Variants in DACH2 observed in about 807,000 individuals in gnomAD.
DACH2 encodes dachshund family transcription factor 2, also known as dachshund homolog 2.
DACH2 carries 17 observed loss-of-function variants against 35.8 expected under a neutral mutation model. The ratio of observed to expected loss-of-function variants is 0.48; its 90% CI spans 0.33 to 0.71. DACH2 has a LOEUF of 0.71. Among genes scored for constraint, DACH2 ranks in the 30% least tolerant of loss-of-function variants. DACH2 has a pLI of 0.02. For missense variants in DACH2, 469 were observed against 472.7 expected, an observed-to-expected ratio of 0.99 and a Z score of 0.07; for synonymous variants, 195 against 177.3, an observed-to-expected ratio of 1.10 and a Z score of -0.79.
At chrX:86,367,475 A>G (rs1057406044) in intron 1 of DACH2, among the ~76,000 whole-genome samples, 20 of 111,670 alleles carry the variant, frequency 1.8e-4, no homozygotes, top group African/African-American at 6.2e-4. Flanking sequence ...TGCAACCATC[A>G]CTGACCTCTC....
rs1412813939 is a variant in DACH2 at position 86,613,224 on chromosome X, G to T, written c.641-37812G>T. Among the ~76,000 whole-genome samples, 3 of 111,074 alleles carry T rather than the reference G, an allele frequency of 2.7e-5. 1 individual carries two copies. The highest frequency in any genetic ancestry group is 5.7e-5 in the Non-Finnish European group (3 of 52,991). On this transcript the variant is annotated intron_variant, in intron 3 of 11. Transcript: ENST00000373125. ...AGTTTTCTGTTTAAAAAAATCTATA[G>T]TTTATTTTTGGTTAAAAAATATATC...
intron 4 of DACH2, among the ~76,000 whole-genome samples, chrX:86,683,959 G>A (rs1355971375): frequency 9.0e-6 from 1 of 111,021 alleles, no homozygotes; most frequent in Non-Finnish European, 1.9e-5. Context: ...CTTCCACTAT[G>A]CTATTAGGAT....
At chrX:86,704,972 CA>C (rs1209018904) in intron 5 of DACH2, among the ~76,000 whole-genome samples, 1 of 101,397 alleles carries the variant, frequency 9.9e-6, no homozygotes, top group African/African-American at 4.1e-5. Flanking sequence ...TTCACAATTG[CA>C]AAAATATGGA....
chrX:86,654,954 T>G (rs2148409710), intron 4 of DACH2, among the ~76,000 whole-genome samples: 1 of 111,920 alleles, frequency 8.9e-6, no homozygotes, highest in African/African-American at 3.2e-5. Context: ...TTTCAAGCAT[T>G]TTAGATCTGA....
chrX:86,813,058 C>T (rs2042410233), intron 8 of DACH2, 54 bp downstream of exon 8: 1 of 1,141,722 alleles, frequency 8.8e-7, no homozygotes, highest in South Asian at 2.0e-5. Flanking sequence ...TTAGCACCTA[C>T]ATATATTATT....
intron 3 of DACH2, among the ~76,000 whole-genome samples, chrX:86,627,540 T>C (rs2148384400): frequency 8.9e-6 from 1 of 111,787 alleles, no homozygotes; most frequent in East Asian, 2.8e-4. Flanking sequence ...AAGCTTAATT[T>C]AGGTACTGTC....
intron 11 of DACH2, 152 bp downstream of exon 11, chrX:86,816,251 A>G (rs746875842): frequency 2.7e-5 from 9 of 327,491 alleles, no homozygotes; most frequent in African/African-American, 1.9e-4. Context: ...TGACACAGGA[A>G]GCAATTTGCA....
chrX:86,317,518 T>C (rs2034935742), intron 1 of DACH2, among the ~76,000 whole-genome samples: 1 of 112,569 alleles, frequency 8.9e-6, no homozygotes, highest in Non-Finnish European at 1.9e-5. Flanking sequence ...GACTAGAAGT[T>C]AATAGAAGAT....
At chrX:86,768,390 A>G (rs1328845195) in intron 7 of DACH2, among the ~76,000 whole-genome samples, 1 of 111,702 alleles carries the variant, frequency 9.0e-6, no homozygotes, top group Non-Finnish European at 1.9e-5. Flanking sequence ...AATCGGCTTT[A>G]TAATATATCA....
chrX:86,577,161 C>A (rs2148336894), intron 3 of DACH2, among the ~76,000 whole-genome samples: 1 of 111,597 alleles, frequency 9.0e-6, no homozygotes, highest in African/African-American at 3.2e-5. Flanking sequence ...AAACCAACGG[C>A]AGTTACTATT....
intron 2 of DACH2, among the ~76,000 whole-genome samples, chrX:86,412,641 G>A (rs2148146258): frequency 8.9e-6 from 1 of 111,855 alleles, no homozygotes; most frequent in African/African-American, 3.2e-5. Flanking sequence ...GGTGGATAAG[G>A]CATTCCATGA....
At chrX:86,160,930 T>C in intron 1 of DACH2, 1 of 726,365 alleles carries the variant, frequency 1.4e-6, no homozygotes, top group Non-Finnish European at 2.2e-6. Flanking sequence ...GGCTTGTCAG[T>C]TGGACCAGAT....
At chrX:86,716,269 T>C (rs1176195717) in intron 6 of DACH2, among the ~76,000 whole-genome samples, 1 of 112,270 alleles carries the variant, frequency 8.9e-6, no homozygotes, top group Non-Finnish European at 1.9e-5. Flanking sequence ...GATGGGAGTG[T>C]AAACTTGGAG....
intron 5 of DACH2, among the ~76,000 whole-genome samples, chrX:86,700,534 T>TA (rs142564628): frequency 2.0e-4 from 21 of 102,440 alleles, no homozygotes; most frequent in African/African-American, 3.9e-4. Flanking sequence ...TAACCCCAGT[T>TA]AAAAAAAAAA....
At chrX:86,414,823 G>A (rs2036675113) in intron 2 of DACH2, among the ~76,000 whole-genome samples, 1 of 111,392 alleles carries the variant, frequency 9.0e-6, no homozygotes, top group African/African-American at 3.3e-5. Context: ...AACATTAAAA[G>A]CAGAGTCCCT....
chrX:86,461,795 T>C (rs1334063095), intron 2 of DACH2, among the ~76,000 whole-genome samples: 4 of 111,870 alleles, frequency 3.6e-5, no homozygotes, highest in Non-Finnish European at 7.6e-5. Context: ...TCTTATTCTT[T>C]GCTTTCTGAT....
intron 3 of DACH2, among the ~76,000 whole-genome samples, chrX:86,634,680 C>T (rs1332185715): frequency 9.0e-6 from 1 of 111,129 alleles, no homozygotes; most frequent in African/African-American, 3.3e-5. Flanking sequence ...CCAAATTAAT[C>T]CCATTTATAA....
chrX:86,681,622 T>C (rs1313878717), intron 4 of DACH2, among the ~76,000 whole-genome samples: 1 of 105,059 alleles, frequency 9.5e-6, no homozygotes, highest in Non-Finnish European at 1.9e-5. Flanking sequence ...TATATATATA[T>C]AATTATATAT....
intron 11 of DACH2, among the ~76,000 whole-genome samples, chrX:86,821,613 A>G (rs1298527568): frequency 9.0e-6 from 1 of 111,396 alleles, no homozygotes; most frequent in African/African-American, 3.3e-5. Flanking sequence ...TATCTGTCAG[A>G]CCATAGTACA....
Sources: allele counts gnomAD v4.1 joint callset (sites outside exome capture counted in the v4.1 genomes callset), GRCh38; gene constraint gnomAD v4.1.1; transcripts MANE v1.5; gene names NCBI Gene and HGNC (gene_info 2026-07-23, HGNC 2026-07-21).